The following BTBD9 variants were observed in gnomAD, a reference collection of about 807,000 sequenced individuals.
BTBD9 encodes the protein BTB/POZ domain-containing protein 9.
A neutral mutation model predicts 64.3 loss-of-function variants in BTBD9; 49 were observed. The ratio of observed to expected loss-of-function variants is 0.76; its 90% CI spans 0.61 to 0.97. The LOEUF (loss-of-function observed/expected upper bound fraction) is 0.97. Ranked by LOEUF, BTBD9 falls within the 50% of genes least tolerant of loss-of-function variation. BTBD9 has a pLI of 0.00. For synonymous variants in BTBD9, 260 were observed against 274.7 expected (o/e 0.95, Z 0.53); for missense variants, 598 against 762.1 (o/e 0.78, Z 2.53).
chr6:38,239,725 A>G (rs1027169309), intron 9 of BTBD9, among the ~76,000 whole-genome samples: 1 of 152,202 alleles, frequency 6.6e-6, no homozygotes, highest in Non-Finnish European at 1.5e-5. Context: ...CTAATAATCT[A>G]TCTTGTGAAA....
At chr6:38,396,210 ACAGT>A (rs1337382805) in intron 6 of BTBD9, among the ~76,000 whole-genome samples, 1 of 152,218 alleles carries the variant, frequency 6.6e-6, no homozygotes, top group Non-Finnish European at 1.5e-5. Flanking sequence ...GAGGGAAATG[ACAGT>A]CAGAGCTACA....
rs1183256692 is a variant in BTBD9 at position 38,374,297 on chromosome 6, GTATATATATGTATATATA to G, written c.1155-29222_1155-29205del. ...AAAAAAAAAAAGTATATATATATATGTATATATATGTATATATATATATATATATGTATATAAAATCTG... is the reference window on the plus strand; with the variant it reads ...AAAAAAAAAAAGTATATATATATATGTATATATATATGTATATAAAATCTG... On this transcript the variant is annotated intron_variant, in intron 6 of 10. Coordinates refer to ENST00000481247, the MANE Select transcript of BTBD9 (RefSeq NM_001099272.2). Among the ~76,000 whole-genome samples, 2 of 53,724 alleles carry G rather than the reference GTATATATATGTATATATA, an allele frequency of 3.7e-5. 1 individual carries two copies. Among genetic ancestry groups the G allele is most frequent in the Non-Finnish European group, 6.5e-5 (2 of 30,976 alleles). 35.2% of individuals were successfully genotyped at this position (53,724 alleles called of 152,430 possible). A position where few individuals can be genotyped will look rare whatever the true frequency, so the allele number is the denominator to read the frequency against.
At chr6:38,504,352 C>T (rs563715677) in intron 6 of BTBD9, 6 of 303,052 alleles carry the variant, frequency 2.0e-5, no homozygotes, top group African/African-American at 1.3e-4. Flanking sequence ...TGATGATGGG[C>T]TATTATTTTA....
chr6:38,614,370 C>T (rs1260833703), intron 1 of BTBD9, among the ~76,000 whole-genome samples: 1 of 152,190 alleles, frequency 6.6e-6, no homozygotes, highest in African/African-American at 2.4e-5. Flanking sequence ...AGGCACTCAA[C>T]AAATGCTGAA....
intron 6 of BTBD9, among the ~76,000 whole-genome samples, chr6:38,375,674 A>T (rs1032231180): frequency 6.6e-6 from 1 of 152,202 alleles, no homozygotes; most frequent in African/African-American, 2.4e-5. Flanking sequence ...CAAAGAAGAC[A>T]AGGTCTGTGG....
chr6:38,439,482 A>G (rs1402869886), intron 6 of BTBD9, among the ~76,000 whole-genome samples: 1 of 149,816 alleles, frequency 6.7e-6, no homozygotes, highest in Non-Finnish European at 1.5e-5. Context: ...GCTGGAGTAC[A>G]GTGGCACAAT....
intron 6 of BTBD9, among the ~76,000 whole-genome samples, chr6:38,472,683 G>T (rs1455737362): frequency 6.6e-6 from 1 of 152,170 alleles, no homozygotes; most frequent in African/African-American, 2.4e-5. Flanking sequence ...CAGGAGATGG[G>T]ATTTTGGTTC....
At chr6:38,307,651 T>C (rs1762674319) in intron 7 of BTBD9, among the ~76,000 whole-genome samples, 1 of 152,242 alleles carries the variant, frequency 6.6e-6, no homozygotes, top group Non-Finnish European at 1.5e-5. Flanking sequence ...TTAATTAGCA[T>C]TAATCCAGTA....
chr6:38,469,991 C>T (rs909126944), intron 6 of BTBD9, among the ~76,000 whole-genome samples: 2 of 152,134 alleles, frequency 1.3e-5, no homozygotes, highest in Non-Finnish European at 2.9e-5. Context: ...AAAATACTTC[C>T]TCAGAAAACA....
chr6:38,187,544 A>G (rs1424324742), intron 10 of BTBD9, among the ~76,000 whole-genome samples: 1 of 152,188 alleles, frequency 6.6e-6, no homozygotes, highest in Non-Finnish European at 1.5e-5. Flanking sequence ...GGGTAAAGAA[A>G]AAGCCACACG....
At chr6:38,585,029 G>A (rs925017143) in intron 4 of BTBD9, among the ~76,000 whole-genome samples, 2 of 151,772 alleles carry the variant, frequency 1.3e-5, no homozygotes, top group African/African-American at 4.8e-5. Context: ...TCACAGAGCT[G>A]AAAGGGACCG....
chr6:38,445,511 C>T (rs1233771467), intron 6 of BTBD9, among the ~76,000 whole-genome samples: 1 of 152,168 alleles, frequency 6.6e-6, no homozygotes, highest in Non-Finnish European at 1.5e-5. Flanking sequence ...CCAGTGAAGT[C>T]TCCTCCAAGT....
chr6:38,598,489 T>C (rs1021392993), intron 1 of BTBD9, among the ~76,000 whole-genome samples: 3 of 152,164 alleles, frequency 2.0e-5, no homozygotes, highest in Admixed American at 6.5e-5. Context: ...TTGAGCAAGG[T>C]TGGGTACAAT....
rs1581992067 is a variant in BTBD9 at position 38,174,889 on chromosome 6, G to A, written c.*96C>T. The A allele has an allele frequency of 7.0e-7, 1 of 1,432,048 alleles. No individual in the cohort carries two copies. Among genetic ancestry groups the A allele is most frequent in the Admixed American group, 2.0e-5 (1 of 49,760 alleles). The allele number at this position is 1,432,048 out of a possible 1,614,324, so 88.7% of individuals were successfully genotyped here. On this transcript the variant is annotated 3_prime_UTR_variant, in exon 11 of 11. Coordinates refer to ENST00000481247, the MANE Select transcript of BTBD9 (RefSeq NM_001099272.2). ...GTCGGCTCCTCCCTGGAAAGGGGCA[G>A]AGGTGGGGGCAGTCAACAGAGACCC...
chr6:38,303,840 GATATATATATATAT>G lies in BTBD9; in HGVS notation c.1265-15393_1265-15380del, dbSNP rs70981538. Among the ~76,000 whole-genome samples, 111 of 75,310 alleles carry G rather than the reference GATATATATATATAT, an allele frequency of 1.5e-3. 5 individuals are homozygous for G. The highest frequency in any genetic ancestry group is 2.3e-3 in the Non-Finnish European group (76 of 33,492). The allele number at this position is 75,310 out of a possible 152,430, so 49.4% of individuals were successfully genotyped here. A position where few individuals can be genotyped will look rare whatever the true frequency, so the allele number is the denominator to read the frequency against. On this transcript the variant is annotated intron_variant, in intron 7 of 10. Transcript: ENST00000481247. ...TAATATCTAGCAACTTTAGTTGCTAGATATATATATATATATATATATATATATATATATACACA... is the reference window on the plus strand; with the variant it reads ...TAATATCTAGCAACTTTAGTTGCTAGATATATATATATATATATATACACA...
At chr6:38,341,123 A>T (rs1251319927) in intron 7 of BTBD9, among the ~76,000 whole-genome samples, 1 of 152,248 alleles carries the variant, frequency 6.6e-6, no homozygotes. Context: ...AGATTTAAAG[A>T]GATTAAAGAA....
chr6:38,259,730 A>G (rs929345870), intron 8 of BTBD9, among the ~76,000 whole-genome samples: 4 of 152,112 alleles, frequency 2.6e-5, no homozygotes, highest in Admixed American at 6.5e-5. Context: ...TCTGTTTGCT[A>G]TCAATTACTA....
At chr6:38,607,090 T>C (rs1777454759) in intron 1 of BTBD9, among the ~76,000 whole-genome samples, 1 of 152,170 alleles carries the variant, frequency 6.6e-6, no homozygotes, top group Non-Finnish European at 1.5e-5. Context: ...TCAATTCTCT[T>C]TGGAAAGATT....
intron 6 of BTBD9, among the ~76,000 whole-genome samples, chr6:38,446,798 T>C (rs762026334): frequency 6.6e-6 from 1 of 152,224 alleles, no homozygotes; most frequent in African/African-American, 2.4e-5. Context: ...ACCCAGTTTG[T>C]TGGACGTCAA....
Sources: gnomAD v4.1 joint callset for allele counts (sites outside exome capture counted in the v4.1 genomes callset) on GRCh38, gnomAD v4.1.1 for gene constraint, MANE v1.5 for transcripts, NCBI Gene and HGNC (gene_info 2026-07-23, HGNC 2026-07-21) for gene names.